UBA6: variants seen among roughly 807,000 people sequenced by gnomAD.
UBA6 encodes ubiquitin like modifier activating enzyme 6.
In UBA6, 87 loss-of-function variants were observed where a neutral mutation model predicts 148.3. The ratio of observed to expected loss-of-function variants is 0.59; its 90% CI spans 0.49 to 0.70. The LOEUF (loss-of-function observed/expected upper bound fraction) is 0.70, where lower values mean the gene tolerates loss of function less well. Ranked by LOEUF, UBA6 falls within the 30% of genes least tolerant of loss-of-function variation. UBA6 has a pLI of 0.00. For synonymous variants in UBA6, 376 were observed against 401.0 expected, an observed-to-expected ratio of 0.94 and a Z score of 0.75; for missense variants, 1,186 against 1,241.2, an observed-to-expected ratio of 0.96 and a Z score of 0.67.
intron 10 of UBA6, among the ~76,000 whole-genome samples, chr4:67,664,428 G>A (rs564119398): frequency 2.2e-4 from 33 of 151,508 alleles, no homozygotes; most frequent in African/African-American, 7.7e-4. Context: ...ACTAGATATA[G>A]TATTTTAATT....
chr4:67,643,515 G>T (rs986691804), intron 17 of UBA6, among the ~76,000 whole-genome samples: 1 of 151,930 alleles, frequency 6.6e-6, no homozygotes, highest in Admixed American at 6.5e-5. Context: ...CCCTTACCCT[G>T]GTGTGGTACA....
chr4:67,662,473 G>GTT (rs1250132573), intron 12 of UBA6: 1,521 of 337,490 alleles, frequency 4.5e-3, no homozygotes, highest in South Asian at 6.2e-3. Context: ...AGTTTTTTTT[G>GTT]TTTTTTTTTT....
Position 67,670,670 on chromosome 4 carries a change from C to T in UBA6, c.547-78G>A. 14 of 1,118,498 alleles carry T rather than the reference C, an allele frequency of 1.3e-5. No homozygotes were observed. In the South Asian group the frequency reaches 1.9e-4, roughly 15 times the overall value. 69.3% of individuals were successfully genotyped at this position (1,118,498 alleles called of 1,614,324 possible). A position where few individuals can be genotyped will look rare whatever the true frequency, so the allele number is the denominator to read the frequency against. ...TCTAGTATCTTAGGCCATTTCATAA[C>T]AATTTAATTTATAATTAAGTATACC... On this transcript the variant is annotated intron_variant, in intron 7 of 32. Coordinates refer to ENST00000322244, the MANE Select transcript of UBA6 (RefSeq NM_018227.6).
At chr4:67,691,395 T>C (rs1038497873) in intron 2 of UBA6, among the ~76,000 whole-genome samples, 2 of 152,222 alleles carry the variant, frequency 1.3e-5, no homozygotes, top group Non-Finnish European at 2.9e-5. Flanking sequence ...TAAAAGTCAC[T>C]GTAGTACATA....
chr4:67,696,031 A>G (rs183289071), intron 2 of UBA6, among the ~76,000 whole-genome samples: 11 of 152,338 alleles, frequency 7.2e-5, no homozygotes, highest in Non-Finnish European at 1.3e-4. Context: ...CTGAAAAAGC[A>G]TAGTTTTAAA....
chr4:67,645,516 T>C (rs761953863), intron 16 of UBA6, among the ~76,000 whole-genome samples: 1 of 151,978 alleles, frequency 6.6e-6, no homozygotes, highest in Non-Finnish European at 1.5e-5. Flanking sequence ...AGAGAATCAC[T>C]TGAACCAGAG....
At chr4:67,639,712 G>A (rs1027630007) in intron 18 of UBA6, among the ~76,000 whole-genome samples, 1 of 152,034 alleles carries the variant, frequency 6.6e-6, no homozygotes, top group Non-Finnish European at 1.5e-5. Flanking sequence ...TATATACTAT[G>A]TATTTTCATA....
intron 4 of UBA6, among the ~76,000 whole-genome samples, chr4:67,680,464 T>C (rs1171258172): frequency 6.6e-6 from 1 of 151,976 alleles, no homozygotes; most frequent in Non-Finnish European, 1.5e-5. Context: ...CTTCAACAAA[T>C]AAATTGCAAG....
At chr4:67,668,423 C>G (rs777455532) in intron 9 of UBA6, 128 bp downstream of exon 9, 1 of 798,354 alleles carries the variant, frequency 1.3e-6, no homozygotes, top group Non-Finnish European at 2.0e-6. Flanking sequence ...TCACTTGGAT[C>G]GAATATTTTG....
At position 67,618,261 on chromosome 4, in the gene UBA6, C is replaced by T. The variant is rs1728673610; in HGVS notation, c.*736G>A. 1 of 152,556 alleles carries T rather than the reference C, an allele frequency of 6.6e-6. No homozygotes were observed. The highest frequency in any genetic ancestry group is 2.4e-5 in the African/African-American group (1 of 41,436). 9.5% of individuals were successfully genotyped at this position (152,556 alleles called of 1,614,324 possible). On this transcript the variant is annotated 3_prime_UTR_variant, in exon 33 of 33. Coordinates refer to ENST00000322244, the MANE Select transcript of UBA6 (RefSeq NM_018227.6). Reference sequence around the variant, plus strand: ...TACTGAAGAATCAAATGGTTAGCCACATTTGTCTGTTCACATTCACGGATT... The same window carrying T: ...TACTGAAGAATCAAATGGTTAGCCATATTTGTCTGTTCACATTCACGGATT...
At chr4:67,693,594 T>G (rs1032592617) in intron 2 of UBA6, among the ~76,000 whole-genome samples, 1 of 152,204 alleles carries the variant, frequency 6.6e-6, no homozygotes, top group African/African-American at 2.4e-5. Context: ...GAGTTCATGT[T>G]ATGTGTTTTT....
intron 13 of UBA6, among the ~76,000 whole-genome samples, chr4:67,651,055 T>C (rs1427068883): frequency 6.6e-6 from 1 of 152,032 alleles, no homozygotes; most frequent in Non-Finnish European, 1.5e-5. Context: ...AAAACCCTTA[T>C]CCTGTCCAAA....
In UBA6 at chr4:67,614,412, T is replaced by C. The variant is rs961166938; in HGVS notation, c.*4585A>G. 6 of 152,096 alleles carry C rather than the reference T, an allele frequency of 3.9e-5. No individual in the cohort carries two copies. The highest frequency in any genetic ancestry group is 1.2e-4 in the African/African-American group (5 of 41,416). The allele number at this position is 152,096 out of a possible 1,614,324, so 9.4% of individuals were successfully genotyped here. A position where few individuals can be genotyped will look rare whatever the true frequency, so the allele number is the denominator to read the frequency against. The stretch of plus-strand genomic sequence containing the variant: ...TTTGGCTCAGAATAATCTCTGAAAA[T>C]ATTTACAGAGTTTGACTCTTTTCAT... On this transcript the variant is annotated 3_prime_UTR_variant, in exon 33 of 33. Transcript: ENST00000322244.
intron 1 of UBA6, among the ~76,000 whole-genome samples, chr4:67,698,969 C>CAAACA (rs1730906791): frequency 6.6e-6 from 1 of 151,726 alleles, no homozygotes; most frequent in Non-Finnish European, 1.5e-5. Flanking sequence ...AAAAAACAAA[C>CAAACA]AAACAAAACA....
In UBA6 at chr4:67,677,680, G is replaced by A. The variant is rs371915320; in HGVS notation, c.396C>T (p.Tyr132=). ...VLKHIAELNP[Y]VHVTSSSVPF... ...GAACAGAAGATGATGTGACATGAAC[G>A]TATGGATTTAGTTCTGCAATATGTT... The change falls in exon 6 of 33, where the codon TAC becomes TAT. Residue 132 remains tyrosine (Y), a synonymous_variant. Transcript: ENST00000322244. 21 of 1,605,972 alleles carry A rather than the reference G, an allele frequency of 1.3e-5. No homozygotes were observed. The highest frequency in any genetic ancestry group is 4.5e-5 in the East Asian group (2 of 44,508).
chr4:67,696,339 A>T (rs182298869), intron 2 of UBA6, among the ~76,000 whole-genome samples: 62 of 151,998 alleles, frequency 4.1e-4, no homozygotes, highest in African/African-American at 1.4e-3. Context: ...GAATGTAGAT[A>T]AAAAAAATCA....
At chr4:67,683,846 G>A (rs894246742) in intron 2 of UBA6, among the ~76,000 whole-genome samples, 13 of 152,186 alleles carry the variant, frequency 8.5e-5, no homozygotes, top group African/African-American at 2.4e-4. Flanking sequence ...GCCTACATGG[G>A]TGGATTACTT....
chr4:67,649,796 T>C (rs1729509460), intron 13 of UBA6, among the ~76,000 whole-genome samples: 1 of 152,206 alleles, frequency 6.6e-6, no homozygotes, highest in Non-Finnish European at 1.5e-5. Flanking sequence ...TTTAGATCTA[T>C]TATTTCAGCA....
chr4:67,683,878 G>C (rs1276930293), intron 2 of UBA6, among the ~76,000 whole-genome samples: 1 of 152,106 alleles, frequency 6.6e-6, no homozygotes, highest in Non-Finnish European at 1.5e-5. Flanking sequence ...TTCAAGACCA[G>C]CCTGGGCAAC....
Sources: allele counts gnomAD v4.1 joint callset (sites outside exome capture counted in the v4.1 genomes callset), GRCh38; gene constraint gnomAD v4.1.1; transcripts MANE v1.5; gene names NCBI Gene and HGNC (gene_info 2026-07-23, HGNC 2026-07-21).